Variants in FBXW7 observed in about 807,000 individuals in gnomAD.
The protein encoded by FBXW7 is F-box/WD repeat-containing protein 7.
In FBXW7, 11 loss-of-function variants were observed where a neutral mutation model predicts 86.3. That is an observed-to-expected ratio of 0.13 (90% CI 0.08 to 0.21). The LOEUF is 0.21. Among genes scored for constraint, FBXW7 ranks in the 10% least tolerant of loss-of-function variants. The pLI is 1.00. For missense variants in FBXW7, 488 were observed against 847.4 expected, an observed-to-expected ratio of 0.58 and a Z score of 5.27; for synonymous variants, 313 against 297.9, an observed-to-expected ratio of 1.05 and a Z score of -0.52.
chr4:152,479,603 T>C (rs1317455449), intron 2 of FBXW7, among the ~76,000 whole-genome samples: 3 of 152,076 alleles, frequency 2.0e-5, no homozygotes, highest in Non-Finnish European at 4.4e-5. Flanking sequence ...ACTCCACAAC[T>C]TCCTGTATTT....
chr4:152,323,461 A>AC, intron 13 of FBXW7: 1 of 363,402 alleles, frequency 2.8e-6, no homozygotes, highest in Non-Finnish European at 5.1e-6. Context: ...AGATAGTGCA[A>AC]CTTCATACCT....
At chr4:152,431,085 C>T (rs1054051717) in intron 2 of FBXW7, among the ~76,000 whole-genome samples, 6 of 152,128 alleles carry the variant, frequency 3.9e-5, no homozygotes, top group Non-Finnish European at 5.9e-5. Context: ...CTGTCAATAG[C>T]GATTGCCAGG....
intron 2 of FBXW7, among the ~76,000 whole-genome samples, chr4:152,423,496 T>C (rs935410129): frequency 1.3e-5 from 2 of 152,190 alleles, no homozygotes; most frequent in Non-Finnish European, 2.9e-5. Context: ...GAGTACACAT[T>C]TTCCCAAATA....
chr4:152,423,731 A>G (rs1739141659), intron 2 of FBXW7, among the ~76,000 whole-genome samples: 1 of 152,184 alleles, frequency 6.6e-6, no homozygotes, highest in Non-Finnish European at 1.5e-5. Flanking sequence ...AAACAGACAG[A>G]GTATAAATTG....
intron 6 of FBXW7, among the ~76,000 whole-genome samples, chr4:152,346,387 G>A (rs1731266583): frequency 6.6e-6 from 1 of 152,098 alleles, no homozygotes; most frequent in Non-Finnish European, 1.5e-5. Context: ...AAACAAAGGA[G>A]AAGATGAAGG....
chr4:152,535,331 C>T lies in FBXW7; in HGVS notation c.-417G>A, dbSNP rs1248727580. ...CGGGGGAGGGGGGCTCTAGGAACTCCTCCCGGAGTCCAGCCAAGGAGCCGG... is the reference window on the plus strand; with the variant it reads ...CGGGGGAGGGGGGCTCTAGGAACTCTTCCCGGAGTCCAGCCAAGGAGCCGG... On this transcript the variant is annotated 5_prime_UTR_variant, in exon 1 of 14. Transcript: ENST00000281708. 1 of 349,296 alleles carries T rather than the reference C, an allele frequency of 2.9e-6. No homozygotes were observed. The allele number at this position is 349,296 out of a possible 1,614,324, so 21.6% of individuals were successfully genotyped here.
intron 2 of FBXW7, among the ~76,000 whole-genome samples, chr4:152,478,822 A>G (rs1228669760): frequency 6.6e-6 from 1 of 152,022 alleles, no homozygotes; most frequent in Middle Eastern, 3.2e-3. Context: ...GAGACTCTTC[A>G]TATGTGTTTA....
chr4:152,389,737 G>C (rs567684699), intron 4 of FBXW7, among the ~76,000 whole-genome samples: 1 of 151,904 alleles, frequency 6.6e-6, no homozygotes, highest in East Asian at 1.9e-4. Context: ...AAAAAAACTA[G>C]AGTACCCCTT....
intron 2 of FBXW7, among the ~76,000 whole-genome samples, chr4:152,458,384 A>T (rs1216242749): frequency 1.3e-5 from 2 of 152,238 alleles, no homozygotes; most frequent in Admixed American, 6.5e-5. Flanking sequence ...GATGGAGCAC[A>T]TCTATTTTCA....
chr4:152,328,375 T>C lies in FBXW7; in HGVS notation c.1251A>G (p.Leu417=). Residue 417 remains leucine (L), a synonymous_variant, in exon 11 of 14, where the codon TTA becomes TTG. Coordinates refer to ENST00000281708, the MANE Select transcript of FBXW7 (RefSeq NM_001349798.2). ...SAVTGKCLRT[L]VGHTGGVWSS... is the part of the protein sequence containing the mutation. ...ACCATACTCCACCTGTATGTCCCAC[T>C]AATGTTCTCAGACACTGGAAAAACA... 1 of 1,544,470 alleles carries C rather than the reference T, an allele frequency of 6.5e-7. No individual in the cohort carries two copies. Among genetic ancestry groups the C allele is most frequent in the Non-Finnish European group, 8.7e-7 (1 of 1,149,342 alleles).
intron 2 of FBXW7, among the ~76,000 whole-genome samples, chr4:152,483,165 T>C (rs1007756054): frequency 3.3e-5 from 5 of 152,164 alleles, no homozygotes; most frequent in Non-Finnish European, 7.4e-5. Context: ...TATGCATATT[T>C]CTATGAAAAC....
intron 2 of FBXW7, among the ~76,000 whole-genome samples, chr4:152,461,123 A>G (rs1261337395): frequency 6.6e-6 from 1 of 152,112 alleles, no homozygotes; most frequent in East Asian, 1.9e-4. Flanking sequence ...TGTCTCTACT[A>G]AAAATACAAA....
intron 4 of FBXW7, among the ~76,000 whole-genome samples, chr4:152,374,887 A>AG (rs140074565): frequency 0.021 from 3,211 of 150,424 alleles, 53 homozygotes; most frequent in South Asian, 0.032. Flanking sequence ...TAGTTACAGG[A>AG]GGGGGGGGGA....
In FBXW7 at chr4:152,535,890, G is replaced by T; in HGVS notation, c.-976C>A. ...CTGCCGGCCGGGAAGGTGAGGGGGG[G>T]AAAGGAGTGCGGCCGCGGCTCCCGC... On this transcript the variant is annotated 5_prime_UTR_variant, in exon 1 of 14. Coordinates refer to ENST00000281708, the MANE Select transcript of FBXW7 (RefSeq NM_001349798.2). 1 of 370,960 alleles carries T rather than the reference G, an allele frequency of 2.7e-6. No homozygotes were observed. The highest frequency in any genetic ancestry group is 4.8e-6 in the Non-Finnish European group (1 of 208,160). The allele number at this position is 370,960 out of a possible 1,614,324, so 23.0% of individuals were successfully genotyped here.
In FBXW7 at chr4:152,403,772, G is replaced by A. The variant is rs181271743; in HGVS notation, c.501+7531C>T. Among the ~76,000 whole-genome samples the A allele has an allele frequency of 7.3e-3, 1,113 of 152,274 alleles. 6 individuals carry two copies. Among genetic ancestry groups the A allele is most frequent in the Middle Eastern group, 0.034 (10 of 294 alleles). On this transcript the variant is annotated intron_variant, in intron 4 of 13. Coordinates refer to ENST00000281708, the MANE Select transcript of FBXW7 (RefSeq NM_001349798.2). ...GGTAATGCTCACTCACCTACCGCCC[G>A]CCTCCTGCTGTGAGGCCCAGTTCCT...
At chr4:152,401,117 T>C (rs1272121727) in intron 4 of FBXW7, among the ~76,000 whole-genome samples, 1 of 152,236 alleles carries the variant, frequency 6.6e-6, no homozygotes, top group Non-Finnish European at 1.5e-5. Flanking sequence ...ATAGACACTT[T>C]GGAAGCCATT....
chr4:152,463,282 T>C (rs1334538819), intron 2 of FBXW7, among the ~76,000 whole-genome samples: 1 of 151,798 alleles, frequency 6.6e-6, no homozygotes, highest in Non-Finnish European at 1.5e-5. Context: ...CAGTGAGACT[T>C]TCTGTCTCAA....
At chr4:152,418,977 T>G (rs1738699923) in intron 2 of FBXW7, among the ~76,000 whole-genome samples, 1 of 152,130 alleles carries the variant, frequency 6.6e-6, no homozygotes, top group Non-Finnish European at 1.5e-5. Flanking sequence ...AAAATAATAA[T>G]TTTATGCATA....
At chr4:152,531,572 G>GAA (rs745845035) in intron 2 of FBXW7, among the ~76,000 whole-genome samples, 2 of 102,140 alleles carry the variant, frequency 2.0e-5, no homozygotes, top group Non-Finnish European at 2.1e-5. Context: ...AGTTTAAAAG[G>GAA]AAAAAAAAAA....
Sources: allele counts gnomAD v4.1 joint callset (sites outside exome capture counted in the v4.1 genomes callset), GRCh38; gene constraint gnomAD v4.1.1; transcripts MANE v1.5; gene names NCBI Gene and HGNC (gene_info 2026-07-23, HGNC 2026-07-21).